BCKDHA: variants seen among roughly 807,000 people sequenced by gnomAD.
BCKDHA encodes 2-oxoisovalerate dehydrogenase subunit alpha, mitochondrial.
Under a neutral mutation model 52.2 loss-of-function variants are expected in BCKDHA, and 43 were observed. The observed-to-expected ratio is 0.82, with a 90% CI of 0.64 to 1.06. The LOEUF is 1.06. Among genes scored for constraint, BCKDHA ranks in the 50% least tolerant of loss-of-function variants. The pLI is 0.00. For missense variants in BCKDHA, 527 were observed against 621.3 expected (o/e 0.85, Z 1.61); for synonymous variants, 234 against 247.9 (o/e 0.94, Z 0.53).
chr19:41,404,310 G>A (rs2039169424), intron 1 of BCKDHA, among the ~76,000 whole-genome samples: 1 of 150,830 alleles, frequency 6.6e-6, no homozygotes, highest in Non-Finnish European at 1.5e-5. Flanking sequence ...ATTTTTTTGA[G>A]ATGTAGTCTT....
At chr19:41,413,530 C>T (rs1362511335) in intron 3 of BCKDHA, among the ~76,000 whole-genome samples, 3 of 152,206 alleles carry the variant, frequency 2.0e-5, no homozygotes, top group Admixed American at 6.5e-5. Flanking sequence ...CTTGATGACT[C>T]CATCCATTTA....
chr19:41,418,091 CAAAAAAA>C (rs66838098), intron 4 of BCKDHA, among the ~76,000 whole-genome samples: 18 of 72,012 alleles, frequency 2.5e-4, no homozygotes, highest in African/African-American at 9.6e-4. Context: ...GACTCTGTCT[CAAAAAAA>C]AAAAAAAAAA....
chr19:41,400,734 G>T (rs985225750), intron 1 of BCKDHA, among the ~76,000 whole-genome samples: 2 of 152,026 alleles, frequency 1.3e-5, no homozygotes, highest in Non-Finnish European at 2.9e-5. Context: ...AGTGGGCTGG[G>T]TGCGGTGGCT....
At chr19:41,414,656 G>T (rs907622621) in intron 4 of BCKDHA, among the ~76,000 whole-genome samples, 8 of 152,132 alleles carry the variant, frequency 5.3e-5, no homozygotes, top group African/African-American at 1.9e-4. Context: ...GATTAGAGGG[G>T]CCCGGCAAGC....
intron 1 of BCKDHA, among the ~76,000 whole-genome samples, chr19:41,409,923 C>T (rs1213945671): frequency 6.6e-6 from 1 of 151,784 alleles, no homozygotes; most frequent in African/African-American, 2.4e-5. Flanking sequence ...GCCTCAGCCT[C>T]CTGAGTAGCT....
At chr19:41,406,365 C>T (rs2241708) in intron 1 of BCKDHA, among the ~76,000 whole-genome samples, 83,853 of 151,948 alleles carry the variant, frequency 0.55, 23,562 homozygotes, top group Middle Eastern at 0.61. Flanking sequence ...GTGCCTCAGT[C>T]TCCCTCTCTG....
rs1253348004 is a variant in BCKDHA at position 41,422,667 on chromosome 19, G to A, written c.892G>A (p.Val298Met). 5.0e-6 allele frequency: 8 copies of A among 1,614,132 alleles called. No homozygotes were observed. The highest frequency in any genetic ancestry group is 1.1e-5 in the South Asian group (1 of 91,090). Residue 298 changes from valine to methionine, a missense_variant, in exon 7 of 9, where the codon GTG (valine) becomes ATG (methionine). Coordinates refer to ENST00000269980, the MANE Select transcript of BCKDHA (RefSeq NM_000709.4). The part of the protein sequence containing the change: ...GPGYGIMSIR[V>M]DGNDVFAVYN... Reference sequence around the variant, plus strand: ...CGGGTATGGCATCATGTCAATCCGCGTGGATGGTAATGATGTGTTTGCCGT... The same window carrying A: ...CGGGTATGGCATCATGTCAATCCGCATGGATGGTAATGATGTGTTTGCCGT...
At chr19:41,411,469 T>C (rs2039252988) in intron 3 of BCKDHA, among the ~76,000 whole-genome samples, 1 of 151,450 alleles carries the variant, frequency 6.6e-6, no homozygotes, top group Non-Finnish European at 1.5e-5. Flanking sequence ...CCAATGACCA[T>C]ACATCCAGAG....
chr19:41,411,258 A>AG (rs2039251123), intron 3 of BCKDHA, among the ~76,000 whole-genome samples: 1 of 151,980 alleles, frequency 6.6e-6, no homozygotes, highest in Admixed American at 6.6e-5. Flanking sequence ...GTGTGGGGAG[A>AG]GGGCAGGGAG....
In BCKDHA at chr19:41,423,103, T is replaced by C. The variant is rs2039388598; in HGVS notation, c.1101T>C (p.Tyr367=). ...QDHPISRLRH[Y]LLSQGWWDEE... ...ACCCCATCTCCCGGCTGCGGCACTA[T>C]CTGCTGAGCCAAGGCTGGTGGGATG... The change falls in exon 8 of 9, where the codon TAT becomes TAC. Residue 367 remains tyrosine, a synonymous_variant. Coordinates refer to ENST00000269980, the MANE Select transcript of BCKDHA (RefSeq NM_000709.4). 1.9e-6 allele frequency: 3 copies of C among 1,568,108 alleles called. No individual in the cohort carries two copies. The Admixed American group carries it at 5.7e-5, about 30-fold the overall frequency.
intron 8 of BCKDHA, among the ~76,000 whole-genome samples, chr19:41,423,769 T>G (rs1255804189): frequency 6.6e-6 from 1 of 151,754 alleles, no homozygotes; most frequent in Non-Finnish European, 1.5e-5. Flanking sequence ...GAGGTAGAGG[T>G]TGCAGTGAGC....
rs1023004519 is a variant in BCKDHA at position 41,400,975 on chromosome 19, A to G, written c.108+3040A>G. Among the ~76,000 whole-genome samples the G allele has an allele frequency of 3.9e-5, 6 of 152,010 alleles. No individual in the cohort carries two copies. In the East Asian group the frequency reaches 1.2e-3, roughly 30 times the overall value. On this transcript the variant is annotated intron_variant, in intron 1 of 8. Transcript: ENST00000269980. ...TGCAGTGAGCCGAGATCGCACCACT[A>G]TACCCCAGCCTAGGTGACAGAGCAG...
intron 4 of BCKDHA, among the ~76,000 whole-genome samples, chr19:41,416,526 G>A (rs1428843304): frequency 6.6e-6 from 1 of 152,234 alleles, no homozygotes; most frequent in Admixed American, 6.5e-5. Context: ...CCCAGAGACA[G>A]CTCTCGCTGT....
At chr19:41,408,078 C>T (rs1017129627) in intron 1 of BCKDHA, among the ~76,000 whole-genome samples, 1 of 151,480 alleles carries the variant, frequency 6.6e-6, no homozygotes, top group African/African-American at 2.4e-5. Context: ...GCCTCAGCCT[C>T]CCAAGTAGCT....
Position 41,424,526 on chromosome 19 carries a change from A to G in BCKDHA, c.1256A>G (p.Gln419Arg), listed in dbSNP as rs771292662. Residue 419 changes from glutamine to arginine, a missense_variant, in exon 9 of 9, where the codon CAG becomes CGG. Gln to Arg is a conservative substitution (Grantham distance 43). Coordinates refer to ENST00000269980, the MANE Select transcript of BCKDHA (RefSeq NM_000709.4). ...GACGTGTATCAGGAGATGCCCGCCC[A>G]GCTCCGCAAGCAGCAGGAGTCTCTG... The part of the protein sequence containing the change: ...FSDVYQEMPA[Q>R]LRKQQESLAR... 5.0e-6 allele frequency: 8 copies of G among 1,613,950 alleles called. No individual in the cohort carries two copies. The highest frequency in any genetic ancestry group is 6.8e-6 in the Non-Finnish European group (8 of 1,180,004).
At position 41,424,584 on chromosome 19, in the gene BCKDHA, C is replaced by T. The variant is rs398123493; in HGVS notation, c.1314C>T (p.Tyr438=). The change falls in exon 9 of 9, where the codon TAC becomes TAT. Residue 438 remains tyrosine (Y), a synonymous_variant. Coordinates refer to ENST00000269980, the MANE Select transcript of BCKDHA (RefSeq NM_000709.4). ...ARHLQTYGEH[Y]PLDHFDK is the part of the protein sequence containing the mutation. ...ACCTGCAGACCTACGGGGAGCACTA[C>T]CCACTGGATCACTTCGATAAGTGAG... The T allele has an allele frequency of 1.2e-6, 2 of 1,610,126 alleles. No homozygotes were observed. Among genetic ancestry groups the T allele is most frequent in the Non-Finnish European group, 1.7e-6 (2 of 1,177,106 alleles).
At chr19:41,421,762 C>A (rs2039368084) in intron 5 of BCKDHA, among the ~76,000 whole-genome samples, 1 of 152,048 alleles carries the variant, frequency 6.6e-6, no homozygotes. Flanking sequence ...TTCATGGAAT[C>A]CGCGGGCTGC....
Position 41,424,876 on chromosome 19 carries a change from G to A in BCKDHA, c.*268G>A, listed in dbSNP as rs1229037831. On this transcript the variant is annotated 3_prime_UTR_variant, in exon 9 of 9. Transcript: ENST00000269980. ...GCCTTCTCCCAGGGGCTGGGTGAGG[G>A]CACATTCAGGACTAGAAGCCCCTCT... 3 of 436,746 alleles carry A rather than the reference G, an allele frequency of 6.9e-6. No individual in the cohort carries two copies. The highest frequency in any genetic ancestry group is 2.0e-5 in the African/African-American group (1 of 50,494). 27.1% of individuals were successfully genotyped at this position (436,746 alleles called of 1,614,324 possible).
At position 41,422,754 on chromosome 19, in the gene BCKDHA, G is replaced by A. The variant is rs398123515; in HGVS notation, c.979G>A (p.Glu327Lys). Residue 327 changes from glutamate to lysine, a missense_variant, in exon 7 of 9, where the codon GAG becomes AAG. Coordinates refer to ENST00000269980, the MANE Select transcript of BCKDHA (RefSeq NM_000709.4). ...GGCAGAGAACCAGCCCTTCCTCATCGAGGCCATGACCTACAGGTGCCTGCC... is the reference window on the plus strand; with the variant it reads ...GGCAGAGAACCAGCCCTTCCTCATCAAGGCCATGACCTACAGGTGCCTGCC... Reference protein sequence around the residue: ...AVAENQPFLIEAMTYRIGHHS... With the variant: ...AVAENQPFLIKAMTYRIGHHS... 65 of 1,613,374 alleles carry A rather than the reference G, an allele frequency of 4.0e-5. No individual in the cohort carries two copies. Among genetic ancestry groups the A allele is most frequent in the Admixed American group, 5.0e-5 (3 of 59,994 alleles).
Sources: gnomAD v4.1 joint callset for allele counts (sites outside exome capture counted in the v4.1 genomes callset) on GRCh38, gnomAD v4.1.1 for gene constraint, MANE v1.5 for transcripts, NCBI Gene and HGNC (gene_info 2026-07-23, HGNC 2026-07-21) for gene names.